CNTNAP2: variants seen among roughly 807,000 people sequenced by gnomAD.
The protein encoded by CNTNAP2 is contactin associated protein 2, also known as contactin-associated protein-like 2.
CNTNAP2 carries 98 observed loss-of-function variants against 155.2 expected under a neutral mutation model. That is an observed-to-expected ratio of 0.63 (90% CI 0.54 to 0.75). The LOEUF (loss-of-function observed/expected upper bound fraction) is 0.75. CNTNAP2 is among the 30% of genes least tolerant of loss of function. The pLI is 0.00. For missense variants in CNTNAP2, 1,727 were observed against 1,688.1 expected (o/e 1.02, Z -0.40); for synonymous variants, 651 against 631.2 (o/e 1.03, Z -0.47).
chr7:146,697,510 A>G (rs1800802580), intron 1 of CNTNAP2, among the ~76,000 whole-genome samples: 1 of 152,160 alleles, frequency 6.6e-6, no homozygotes, highest in Non-Finnish European at 1.5e-5. Flanking sequence ...AAGTGCGGGG[A>G]TCATAGGCGT....
intron 1 of CNTNAP2, among the ~76,000 whole-genome samples, chr7:146,718,240 T>C (rs576797821): frequency 1.2e-4 from 18 of 152,346 alleles, no homozygotes; most frequent in African/African-American, 4.3e-4. Context: ...AGTGCTTTTC[T>C]CCAATTCTGT....
chr7:146,701,202 C>T (rs1043810441), intron 1 of CNTNAP2, among the ~76,000 whole-genome samples: 1 of 152,200 alleles, frequency 6.6e-6, no homozygotes, highest in African/African-American at 2.4e-5. Context: ...GTTCTGCTGG[C>T]CTGCTTCAGT....
rs10641636 is a variant in CNTNAP2 at position 146,354,411 on chromosome 7, A to ATTTTTTTTTTTTTTTTTTTTT, written c.97+237455_97+237456insTTTTTTTTTTTTTTTTTTTTT. ...ATTCTTCAGTTCCTCTCTTGTTAGT[A>ATTTTTTTTTTTTTTTTTTTTT]TTTTTTTTTTTTTTTTTGTTTGAGA... On this transcript the variant is annotated intron_variant, in intron 1 of 23. Transcript: ENST00000361727. 5.9e-5 allele frequency among the ~76,000 whole-genome samples: 8 copies of ATTTTTTTTTTTTTTTTTTTTT among 135,346 alleles called. 1 individual carries two copies. The highest frequency in any genetic ancestry group is 6.3e-5 in the Non-Finnish European group (4 of 63,850). 88.8% of individuals were successfully genotyped at this position (135,346 alleles called of 152,430 possible). A position where few individuals can be genotyped will look rare whatever the true frequency, so the allele number is the denominator to read the frequency against.
chr7:146,668,644 G>T (rs1800242927), intron 1 of CNTNAP2, among the ~76,000 whole-genome samples: 1 of 151,976 alleles, frequency 6.6e-6, no homozygotes, highest in African/African-American at 2.4e-5. Flanking sequence ...TTTCTTTTTT[G>T]TGAGACTTTT....
intron 1 of CNTNAP2, among the ~76,000 whole-genome samples, chr7:146,598,190 G>A (rs1439455896): frequency 5.3e-5 from 8 of 152,014 alleles, no homozygotes; most frequent in African/African-American, 1.4e-4. Context: ...TGCTGTCTGG[G>A]CACCATCCCA....
At chr7:147,130,718 G>A (rs1801335227) in intron 7 of CNTNAP2, among the ~76,000 whole-genome samples, 1 of 152,002 alleles carries the variant, frequency 6.6e-6, no homozygotes, top group African/African-American at 2.4e-5. Context: ...AATTGACTGA[G>A]CACTCATTCT....
chr7:146,898,340 A>G (rs958728418), intron 3 of CNTNAP2, among the ~76,000 whole-genome samples: 1 of 152,154 alleles, frequency 6.6e-6, no homozygotes, highest in Non-Finnish European at 1.5e-5. Context: ...GCACAAAAAT[A>G]TGGAGCAAAG....
chr7:146,324,810 T>G (rs1303747055), intron 1 of CNTNAP2, among the ~76,000 whole-genome samples: 1 of 152,112 alleles, frequency 6.6e-6, no homozygotes, highest in Non-Finnish European at 1.5e-5. Flanking sequence ...TATAAAACTA[T>G]TTTATCAAAA....
chr7:148,285,578 A>G (rs769622921), intron 21 of CNTNAP2, among the ~76,000 whole-genome samples: 1 of 152,276 alleles, frequency 6.6e-6, no homozygotes, highest in South Asian at 2.1e-4. Context: ...CCTGCCTGGC[A>G]CTACATTATC....
At chr7:148,159,178 T>A (rs2116670969) in intron 17 of CNTNAP2, among the ~76,000 whole-genome samples, 1 of 152,320 alleles carries the variant, frequency 6.6e-6, no homozygotes, top group East Asian at 1.9e-4. Context: ...TCTCTCTTCC[T>A]TTCATGGTCC....
At chr7:146,914,868 G>A (rs936240553) in intron 3 of CNTNAP2, among the ~76,000 whole-genome samples, 1 of 151,456 alleles carries the variant, frequency 6.6e-6, no homozygotes, top group African/African-American at 2.4e-5. Flanking sequence ...TTTCTTTTGG[G>A]TTCTTGGTCA....
chr7:146,252,273 C>G (rs546562733), intron 1 of CNTNAP2, among the ~76,000 whole-genome samples: 1 of 152,278 alleles, frequency 6.6e-6, no homozygotes, highest in East Asian at 1.9e-4. Flanking sequence ...TCTCATATAA[C>G]TATAATTGAC....
At chr7:146,354,750 A>G (rs1380952769) in intron 1 of CNTNAP2, among the ~76,000 whole-genome samples, 4 of 152,120 alleles carry the variant, frequency 2.6e-5, no homozygotes, top group African/African-American at 9.7e-5. Flanking sequence ...CCATATAATC[A>G]TATAATATAG....
intron 1 of CNTNAP2, among the ~76,000 whole-genome samples, chr7:146,528,094 C>A (rs768237507): frequency 2.7e-4 from 41 of 152,124 alleles, no homozygotes; most frequent in Non-Finnish European, 4.3e-4. Flanking sequence ...TAAAAACTCT[C>A]TTAGGGCACT....
At chr7:147,548,658 A>G (rs1190695339) in intron 11 of CNTNAP2, among the ~76,000 whole-genome samples, 1 of 152,002 alleles carries the variant, frequency 6.6e-6, no homozygotes, top group Non-Finnish European at 1.5e-5. Context: ...TGCTTTTGAC[A>G]TTTTTGTCAT....
intron 10 of CNTNAP2, among the ~76,000 whole-genome samples, chr7:147,433,230 A>G (rs1797494917): frequency 6.6e-6 from 1 of 152,118 alleles, no homozygotes. Flanking sequence ...ATTTTTTCAG[A>G]GTTGTTAAGT....
intron 13 of CNTNAP2, among the ~76,000 whole-genome samples, chr7:147,809,788 A>G (rs1250445178): frequency 6.6e-6 from 1 of 152,226 alleles, no homozygotes; most frequent in Non-Finnish European, 1.5e-5. Context: ...GAAAATCTAC[A>G]CTGCAGAGAC....
intron 2 of CNTNAP2, among the ~76,000 whole-genome samples, chr7:146,793,208 C>T (rs886614199): frequency 6.6e-5 from 10 of 152,112 alleles, no homozygotes; most frequent in Non-Finnish European, 1.3e-4. Context: ...AATTTCACAA[C>T]ATTTATGGTT....
intron 3 of CNTNAP2, among the ~76,000 whole-genome samples, chr7:146,926,644 T>C (rs1017603476): frequency 2.0e-5 from 3 of 152,126 alleles, no homozygotes; most frequent in Non-Finnish European, 2.9e-5. Flanking sequence ...TTGAATGTTA[T>C]CTAACAAAAC....
Sources: gnomAD v4.1 joint callset for allele counts (sites outside exome capture counted in the v4.1 genomes callset) on GRCh38, gnomAD v4.1.1 for gene constraint, MANE v1.5 for transcripts, NCBI Gene and HGNC (gene_info 2026-07-23, HGNC 2026-07-21) for gene names.